Variants in NLK observed in about 807,000 individuals in gnomAD.
The protein encoded by NLK is nemo like kinase, also known as serine/threonine-protein kinase NLK.
NLK carries 11 observed loss-of-function variants against 59.0 expected under a neutral mutation model. The observed-to-expected ratio is 0.19, with a 90% CI of 0.12 to 0.31. The LOEUF (loss-of-function observed/expected upper bound fraction) is 0.31. Among genes scored for constraint, NLK ranks in the 10% least tolerant of loss-of-function variants. NLK has a pLI of 1.00. For synonymous variants in NLK, 235 were observed against 235.9 expected (o/e 1.00, Z 0.03); for missense variants, 410 against 661.1 (o/e 0.62, Z 4.16).
At chr17:28,049,871 T>C (rs1909188444) in intron 1 of NLK, among the ~76,000 whole-genome samples, 1 of 152,048 alleles carries the variant, frequency 6.6e-6, no homozygotes, top group Admixed American at 6.5e-5. Flanking sequence ...TCCCAGCTAC[T>C]TGGGAGGCTG....
At chr17:28,058,638 C>T (rs1034262790) in intron 1 of NLK, among the ~76,000 whole-genome samples, 1 of 152,150 alleles carries the variant, frequency 6.6e-6, no homozygotes, top group Non-Finnish European at 1.5e-5. Flanking sequence ...GTATTCTCAG[C>T]TACTCAGCCT....
At chr17:28,154,388 TAAG>T (rs1350934485) in intron 3 of NLK, among the ~76,000 whole-genome samples, 2 of 152,166 alleles carry the variant, frequency 1.3e-5, no homozygotes, top group African/African-American at 4.8e-5. Flanking sequence ...CTATTCATCC[TAAG>T]AAGAAAGATT....
Position 28,043,118 on chromosome 17 carries a change from C to A in NLK, c.245C>A (p.Ala82Glu). ...GCAGCCGCAGCAGCGGCTGCAGCTGCAGCCATGTTAAACCCTGGGCAACAA... is the reference window on the plus strand; with the variant it reads ...GCAGCCGCAGCAGCGGCTGCAGCTGAAGCCATGTTAAACCCTGGGCAACAA... Reference protein sequence around the residue: ...AAAAAAAAAAAAMLNPGQQQP... With the variant: ...AAAAAAAAAAEAMLNPGQQQP... Residue 82 changes from alanine to glutamate, a missense_variant, in exon 1 of 11, where the codon GCA (alanine) becomes GAA (glutamate). By Grantham distance (107) the Ala-to-Glu change is moderately radical. Around this residue, in one of 5 missense-constraint regions of NLK, gnomAD observed 160 missense variants for 171.0 expected, o/e 0.94. Coordinates refer to ENST00000407008, the MANE Select transcript of NLK (RefSeq NM_016231.5). The A allele has an allele frequency of 1.2e-6, 2 of 1,600,480 alleles. No individual in the cohort carries two copies. The highest frequency in any genetic ancestry group is 1.7e-6 in the Non-Finnish European group (2 of 1,173,586).
intron 10 of NLK, 132 bp from the exon 11 acceptor site, chr17:28,194,447 ACTT>A: frequency 1.6e-6 from 1 of 629,840 alleles, no homozygotes; most frequent in Non-Finnish European, 2.7e-6. Flanking sequence ...AATAAATTCA[ACTT>A]CAAAGAAACA....
At chr17:28,203,517 C>T in the NLK span, among the ~76,000 whole-genome samples, 1 of 152,086 alleles carries the variant, frequency 6.6e-6, no homozygotes, top group South Asian at 2.1e-4. Context: ...AGAGCCAGCA[C>T]TTCCCCTGTT....
At chr17:28,097,476 A>G (rs975615277) in intron 1 of NLK, among the ~76,000 whole-genome samples, 2 of 152,176 alleles carry the variant, frequency 1.3e-5, no homozygotes, top group Non-Finnish European at 2.9e-5. Context: ...GCTGAGTTGC[A>G]GGAAAAATTG....
intron 1 of NLK, among the ~76,000 whole-genome samples, chr17:28,109,812 A>G (rs1257344696): frequency 2.0e-5 from 3 of 152,244 alleles, no homozygotes; most frequent in African/African-American, 4.8e-5. Context: ...TTGTGTGGAC[A>G]TAAGTTTTCA....
intron 2 of NLK, among the ~76,000 whole-genome samples, chr17:28,127,751 T>G (rs539072730): frequency 9.9e-5 from 15 of 152,272 alleles, no homozygotes; most frequent in African/African-American, 3.6e-4. Flanking sequence ...ATCCTGAAAC[T>G]TATGGAAATG....
chr17:28,055,482 G>A (rs1909409327), intron 1 of NLK, among the ~76,000 whole-genome samples: 1 of 151,688 alleles, frequency 6.6e-6, no homozygotes, highest in Admixed American at 6.6e-5. Context: ...GACTGTAGGT[G>A]TAACCCACTA....
chr17:28,056,044 T>C (rs1213009274), intron 1 of NLK, among the ~76,000 whole-genome samples: 1 of 152,212 alleles, frequency 6.6e-6, no homozygotes, highest in East Asian at 1.9e-4. Flanking sequence ...GGAAAAACAG[T>C]TGTTTGTAAC....
intron 1 of NLK, among the ~76,000 whole-genome samples, chr17:28,081,331 G>A (rs1910339292): frequency 6.6e-6 from 1 of 151,664 alleles, no homozygotes; most frequent in Admixed American, 6.6e-5. Flanking sequence ...GACTACAGGT[G>A]TATGCCACAT....
At chr17:28,057,397 A>G (rs923824723) in intron 1 of NLK, among the ~76,000 whole-genome samples, 4 of 152,228 alleles carry the variant, frequency 2.6e-5, no homozygotes, top group Non-Finnish European at 5.9e-5. Flanking sequence ...CTCTCCAACT[A>G]GAGAAGGAAC....
chr17:28,056,265 G>T (rs1843417507), intron 1 of NLK, among the ~76,000 whole-genome samples: 1 of 152,206 alleles, frequency 6.6e-6, no homozygotes. Context: ...CAAGCCTAGA[G>T]CTCTGCCTCA....
intron 1 of NLK, among the ~76,000 whole-genome samples, chr17:28,093,121 A>G (rs1597675859): frequency 6.6e-6 from 1 of 151,946 alleles, no homozygotes. Flanking sequence ...TTATATTTTT[A>G]AAGTTTTCCT....
chr17:28,104,463 TCAG>T (rs1403917235), intron 1 of NLK, among the ~76,000 whole-genome samples: 5 of 151,844 alleles, frequency 3.3e-5, no homozygotes, highest in African/African-American at 1.2e-4. Context: ...ACCATGTTGG[TCAG>T]GCTGGTCTCG....
chr17:28,184,590 A>G (rs1374628140), intron 7 of NLK, among the ~76,000 whole-genome samples: 1 of 152,062 alleles, frequency 6.6e-6, no homozygotes. Context: ...CATATTTGCA[A>G]TTCGTTTTCA....
chr17:28,117,094 C>T (rs191988169), intron 1 of NLK, among the ~76,000 whole-genome samples: 10 of 152,238 alleles, frequency 6.6e-5, no homozygotes, highest in African/African-American at 2.4e-4. Context: ...TCATCTTCAC[C>T]CTCTAACATG....
At chr17:28,123,926 A>T (rs1906181547) in intron 2 of NLK, among the ~76,000 whole-genome samples, 2 of 152,194 alleles carry the variant, frequency 1.3e-5, no homozygotes, top group Admixed American at 1.3e-4. Context: ...CCATAATAAA[A>T]ACTTATCAGA....
intron 7 of NLK, among the ~76,000 whole-genome samples, chr17:28,179,884 T>TG (rs1567738755): frequency 2.7e-5 from 4 of 149,092 alleles, no homozygotes; most frequent in Admixed American, 6.7e-5. Flanking sequence ...TTTTTTTTTT[T>TG]TTTTTTTTTT....
Sources: allele counts gnomAD v4.1 joint callset (sites outside exome capture counted in the v4.1 genomes callset), GRCh38; gene constraint gnomAD v4.1.1; regional missense constraint gnomAD v4.1.1; transcripts MANE v1.5; gene names NCBI Gene and HGNC (gene_info 2026-07-23, HGNC 2026-07-21).